The following PRRC2C variants were observed in gnomAD, a reference collection of about 807,000 sequenced individuals.
PRRC2C encodes the protein protein PRRC2C.
Under a neutral mutation model 317.2 loss-of-function variants are expected in PRRC2C, and 72 were observed. The ratio of observed to expected loss-of-function variants is 0.23; its 90% CI spans 0.19 to 0.28. The LOEUF is 0.28. PRRC2C is among the 10% of genes least tolerant of loss of function. PRRC2C has a pLI of 1.00. For missense variants in PRRC2C, 3,074 were observed against 3,459.7 expected (o/e 0.89, Z 2.80); for synonymous variants, 1,296 against 1,205.9 (o/e 1.07, Z -1.55).
intron 25 of PRRC2C, among the ~76,000 whole-genome samples, chr1:171,576,204 G>T (rs1357774400): frequency 2.6e-5 from 4 of 152,176 alleles, no homozygotes; most frequent in Non-Finnish European, 4.4e-5. Flanking sequence ...CTTTGGGATG[G>T]GGGGGTTAGT....
intron 33 of PRRC2C, among the ~76,000 whole-genome samples, chr1:171,588,818 T>C (rs1650667518): frequency 6.6e-6 from 1 of 152,176 alleles, no homozygotes; most frequent in African/African-American, 2.4e-5. Flanking sequence ...TGCTTGAAGT[T>C]TTCTAGGTTT....
intron 1 of PRRC2C, among the ~76,000 whole-genome samples, chr1:171,493,154 A>G (rs762590733): frequency 5.9e-5 from 9 of 152,186 alleles, no homozygotes; most frequent in Non-Finnish European, 8.8e-5. Flanking sequence ...AAGAGGGCCA[A>G]TGATACGGAG....
chr1:171,523,488 GAACAAGGAAGT>G lies in PRRC2C; in HGVS notation c.1026_1036del (p.Gly343SerfsTer2). On this transcript the variant is annotated frameshift_variant, in exon 9 of 35. Transcript: ENST00000647382. LOFTEE classifies it high-confidence loss of function. The stretch of plus-strand genomic sequence containing the variant: ...GCAACTGAATTTCAGTGATGATGAT[GAACAAGGAAGT>G]AACAGTCCTAAAGAGAATAACAGGT... 6.2e-7 allele frequency: 1 copy of G among 1,611,874 alleles called. No individual in the cohort carries two copies.
At chr1:171,581,125 T>TTGTG (rs1648488425) in intron 28 of PRRC2C, among the ~76,000 whole-genome samples, 1 of 152,216 alleles carries the variant, frequency 6.6e-6, no homozygotes, top group South Asian at 2.1e-4. Flanking sequence ...TATATAGCTG[T>TTGTG]TGTAGGTCTT....
chr1:171,566,188 CTG>C, intron 20 of PRRC2C, 43 bp from the exon 21 acceptor site: 3 of 1,504,258 alleles, frequency 2.0e-6, no homozygotes. Context: ...TCAGTCACAT[CTG>C]AACTATACTT....
intron 16 of PRRC2C, among the ~76,000 whole-genome samples, chr1:171,544,679 C>T (rs1678709060): frequency 6.6e-6 from 1 of 152,038 alleles, no homozygotes; most frequent in Admixed American, 6.5e-5. Flanking sequence ...GATTTTTGTG[C>T]CACATAGATA....
chr1:171,506,718 T>TGTGTG (rs1557874779), intron 1 of PRRC2C, among the ~76,000 whole-genome samples: 2 of 150,248 alleles, frequency 1.3e-5, no homozygotes, highest in Non-Finnish European at 3.0e-5. Context: ...TGTGTGTGTG[T>TGTGTG]TTTAATTGGA....
chr1:171,552,086 A>G (rs1425711005), intron 18 of PRRC2C, among the ~76,000 whole-genome samples: 3 of 152,160 alleles, frequency 2.0e-5, no homozygotes, highest in South Asian at 2.1e-4. Flanking sequence ...GATTCTTTCT[A>G]TCCATGAGCA....
Position 171,537,557 on chromosome 1 carries a change from A to G in PRRC2C, c.2504+84A>G, listed in dbSNP as rs10913197. ...TGTAGTGTTTCTGAAGATCATTCCAATTTAGGACTGAAGCATAAATCTGGT... is the reference window on the plus strand; with the variant it reads ...TGTAGTGTTTCTGAAGATCATTCCAGTTTAGGACTGAAGCATAAATCTGGT... On this transcript the variant is annotated intron_variant, in intron 15 of 34. Transcript: ENST00000647382. 3,878 of 1,196,940 alleles carry G rather than the reference A, an allele frequency of 3.2e-3. 99 individuals are homozygous for G. The African/African-American group carries it at 0.051, about 16-fold the overall frequency. 74.1% of individuals were successfully genotyped at this position (1,196,940 alleles called of 1,614,324 possible). A position where few individuals can be genotyped will look rare whatever the true frequency, so the allele number is the denominator to read the frequency against.
At chr1:171,538,609 C>G (rs1677301721) in intron 15 of PRRC2C, among the ~76,000 whole-genome samples, 1 of 152,166 alleles carries the variant, frequency 6.6e-6, no homozygotes, top group Admixed American at 6.5e-5. Flanking sequence ...TGTACTCTTT[C>G]ATTCTAGGTG....
Position 171,498,079 on chromosome 1 carries a change from G to A in PRRC2C, c.-58+12344G>A, listed in dbSNP as rs181734461. ...TGAGCTCAAGCCATCCTTCCGCCTCGGCTTCCGAAATTCCTGGAATTACAG... is the reference window on the plus strand; with the variant it reads ...TGAGCTCAAGCCATCCTTCCGCCTCAGCTTCCGAAATTCCTGGAATTACAG... On this transcript the variant is annotated intron_variant, in intron 1 of 34. Transcript: ENST00000647382. 9.3e-5 allele frequency among the ~76,000 whole-genome samples: 14 copies of A among 150,484 alleles called. No individual in the cohort carries two copies. In the East Asian group the frequency reaches 9.8e-4, roughly 11 times the overall value.
chr1:171,532,618 G>A lies in PRRC2C; in HGVS notation c.1530G>A (p.Glu510=), dbSNP rs1676078490. The change falls in exon 12 of 35, where the codon GAG becomes GAA. Residue 510 remains glutamate, a synonymous_variant. Transcript: ENST00000647382. ...CTCCAGAGGAAATTAGGGAAAGGGA[G>A]CGAGAAAAAGAACGGGAGCGTGAGA... ...QPSPEEIRER[E]REKEREREKE... 1.3e-6 allele frequency: 2 copies of A among 1,553,210 alleles called. No individual in the cohort carries two copies. Among genetic ancestry groups the A allele is most frequent in the East Asian group, 2.4e-5 (1 of 40,996 alleles).
intron 5 of PRRC2C, among the ~76,000 whole-genome samples, chr1:171,516,879 C>T (rs568381020): frequency 4.3e-4 from 65 of 152,292 alleles, no homozygotes; most frequent in African/African-American, 8.9e-4. Context: ...GAGAGACAGA[C>T]ACCCTCCACC....
intron 12 of PRRC2C, among the ~76,000 whole-genome samples, chr1:171,534,596 A>G (rs1176997597): frequency 6.6e-6 from 1 of 151,496 alleles, no homozygotes; most frequent in Non-Finnish European, 1.5e-5. Context: ...TTCCTCCAGT[A>G]TATTATTTTC....
intron 19 of PRRC2C, among the ~76,000 whole-genome samples, chr1:171,560,648 C>T (rs553317787): frequency 8.5e-5 from 13 of 152,140 alleles, no homozygotes; most frequent in African/African-American, 3.1e-4. Context: ...GATTAGCTTC[C>T]TTTTTAGCGG....
chr1:171,537,637 T>A (rs181522060), intron 15 of PRRC2C, among the ~76,000 whole-genome samples, 164 bp downstream of exon 15: 17 of 152,334 alleles, frequency 1.1e-4, no homozygotes, highest in African/African-American at 3.8e-4. Flanking sequence ...ATTCTCTGTA[T>A]TCATTAGGGC....
chr1:171,514,192 T>G (rs1671890160), intron 3 of PRRC2C, among the ~76,000 whole-genome samples: 1 of 152,194 alleles, frequency 6.6e-6, no homozygotes, highest in African/African-American at 2.4e-5. Context: ...ATACTGCTAT[T>G]TTTAATTATA....
intron 1 of PRRC2C, among the ~76,000 whole-genome samples, chr1:171,500,191 T>G (rs1435606485): frequency 6.6e-6 from 1 of 152,202 alleles, no homozygotes; most frequent in East Asian, 1.9e-4. Context: ...TTCAGTTGAA[T>G]TTAGCAAATT....
chr1:171,512,299 A>G, intron 2 of PRRC2C, 99 bp downstream of exon 2: 1 of 829,662 alleles, frequency 1.2e-6, no homozygotes, highest in Non-Finnish European at 2.0e-6. Context: ...ACCCAAGTTA[A>G]TACAATGCTA....
Sources: allele counts gnomAD v4.1 joint callset (sites outside exome capture counted in the v4.1 genomes callset), GRCh38; gene constraint gnomAD v4.1.1; transcripts MANE v1.5; gene names NCBI Gene and HGNC (gene_info 2026-07-23, HGNC 2026-07-21).